Variants in ABTB2 observed in about 807,000 individuals in gnomAD.
ABTB2 encodes the protein ankyrin repeat and BTB domain containing 2.
Under a neutral mutation model 104.1 loss-of-function variants are expected in ABTB2, and 56 were observed. The observed-to-expected ratio is 0.54, with a 90% CI of 0.43 to 0.67. ABTB2 has a LOEUF of 0.67. ABTB2 is among the 30% of genes least tolerant of loss of function. The pLI is 0.00. For synonymous variants in ABTB2, 606 were observed against 608.2 expected, an observed-to-expected ratio of 1.00 and a Z score of 0.05; for missense variants, 1,279 against 1,407.7, an observed-to-expected ratio of 0.91 and a Z score of 1.46.
intron 1 of ABTB2, among the ~76,000 whole-genome samples, chr11:34,236,359 C>T (rs1317329303): frequency 1.3e-5 from 2 of 152,078 alleles, no homozygotes; most frequent in Non-Finnish European, 2.9e-5. Context: ...TCTTCTACCT[C>T]CAGAAGGCAC....
At chr11:34,155,479 C>T (rs142701349) in intron 14 of ABTB2, among the ~76,000 whole-genome samples, 1 of 152,360 alleles carries the variant, frequency 6.6e-6, no homozygotes, top group East Asian at 1.9e-4. Context: ...ACTCTGCCAT[C>T]ACGCTGGAGC....
chr11:34,310,438 G>A (rs2611138), intron 1 of ABTB2, among the ~76,000 whole-genome samples: 317 of 151,930 alleles, frequency 2.1e-3, no homozygotes, highest in African/African-American at 7.1e-3. Flanking sequence ...TCTCTCTACC[G>A]CCACCCTCAC....
In ABTB2 at chr11:34,178,586, C is replaced by T. The variant is rs932036013; in HGVS notation, c.1245-5279G>A. 5.9e-5 allele frequency among the ~76,000 whole-genome samples: 9 copies of T among 152,206 alleles called. No individual in the cohort carries two copies. In the East Asian group the frequency reaches 7.7e-4, roughly 13 times the overall value. On this transcript the variant is annotated intron_variant, in intron 3 of 16. Transcript: ENST00000435224. ...AGAAGTTCTCATTCCCCGCTTGTTG[C>T]GTTTCCCGTAGGCTGAGCTTGGTCG... is the stretch of plus-strand genomic sequence containing the variant.
Position 34,357,250 on chromosome 11 carries a change from C to A in ABTB2, c.334G>T (p.Ala112Ser). 1 of 1,496,106 alleles carries A rather than the reference C, an allele frequency of 6.7e-7. No homozygotes were observed. The highest frequency in any genetic ancestry group is 8.9e-7 in the Non-Finnish European group (1 of 1,128,620). The allele number at this position is 1,496,106 out of a possible 1,614,324, so 92.7% of individuals were successfully genotyped here. Residue 112 changes from alanine to serine, a missense_variant, in exon 1 of 17, where the codon GCT becomes TCT. By Grantham distance (99) the Ala-to-Ser change is moderately conservative (BLOSUM62 1). Coordinates refer to ENST00000435224, the MANE Select transcript of ABTB2 (RefSeq NM_145804.3). ...GDVARVLRKG[A>S]GGRRLPQFSA... ...AACTGGGGCAGCCGCCGGCCGCCAG[C>A]GCCTTTGCGGAGCACCCGGGCCACG... is the stretch of plus-strand genomic sequence containing the variant.
chr11:34,267,472 C>T (rs1854265701), intron 1 of ABTB2, among the ~76,000 whole-genome samples: 1 of 152,168 alleles, frequency 6.6e-6, no homozygotes, highest in South Asian at 2.1e-4. Context: ...TAAACCTGGG[C>T]CCTGAATACA....
At chr11:34,179,080 C>CA (rs111676312) in intron 3 of ABTB2, among the ~76,000 whole-genome samples, 22,445 of 98,546 alleles carry the variant, frequency 0.23, 2,596 homozygotes, top group African/African-American at 0.34. Flanking sequence ...AACTCCAACT[C>CA]AAAAAAAAAA....
chr11:34,243,658 T>C (rs1853949481), intron 1 of ABTB2, among the ~76,000 whole-genome samples: 1 of 152,204 alleles, frequency 6.6e-6, no homozygotes, highest in Non-Finnish European at 1.5e-5. Context: ...CAATATTGAT[T>C]CTCTTAACTT....
chr11:34,236,675 A>G (rs1232941529), intron 1 of ABTB2, among the ~76,000 whole-genome samples: 1 of 152,232 alleles, frequency 6.6e-6, no homozygotes, highest in Non-Finnish European at 1.5e-5. Context: ...AGTGATTGAG[A>G]TGCCGATACA....
At chr11:34,292,002 T>C (rs1854569174) in intron 1 of ABTB2, among the ~76,000 whole-genome samples, 1 of 152,092 alleles carries the variant, frequency 6.6e-6, no homozygotes, top group Non-Finnish European at 1.5e-5. Context: ...ATTTACACAT[T>C]TAAAACATAA....
At chr11:34,204,145 C>T (rs12295338) in intron 2 of ABTB2, among the ~76,000 whole-genome samples, 3,911 of 152,166 alleles carry the variant, frequency 0.026, 166 homozygotes, top group African/African-American at 0.089. Flanking sequence ...GGTGTGCTTT[C>T]TTTCGAGAAA....
rs1397968733 is a variant in ABTB2 at position 34,357,101 on chromosome 11, G to A, written c.483C>T (p.Ala161=). 3.3e-6 allele frequency: 5 copies of A among 1,516,918 alleles called. No individual in the cohort carries two copies. The highest frequency in any genetic ancestry group is 1.2e-5 in the South Asian group (1 of 82,040). 94.0% of individuals were successfully genotyped at this position (1,516,918 alleles called of 1,614,324 possible). A position where few individuals can be genotyped will look rare whatever the true frequency, so the allele number is the denominator to read the frequency against. The part of the protein sequence containing the change: ...AKCTRFEVQS[A]VRLVHSWALA... Reference sequence around the variant, plus strand: ...GCGCCCAGCTGTGCACCAGGCGCACGGCGCTCTGCACCTCAAAGCGGGTGC... The same window carrying A: ...GCGCCCAGCTGTGCACCAGGCGCACAGCGCTCTGCACCTCAAAGCGGGTGC... The change falls in exon 1 of 17, where the codon GCC becomes GCT. Residue 161 remains alanine (A), a synonymous_variant. Transcript: ENST00000435224.
At chr11:34,161,632 G>A (rs899987674) in intron 10 of ABTB2, among the ~76,000 whole-genome samples, 10 of 152,146 alleles carry the variant, frequency 6.6e-5, no homozygotes, top group Non-Finnish European at 1.0e-4. Flanking sequence ...CTGGAAAGCC[G>A]CTGCACATCC....
At chr11:34,288,091 A>AT (rs1854526786) in intron 1 of ABTB2, among the ~76,000 whole-genome samples, 1 of 152,114 alleles carries the variant, frequency 6.6e-6, no homozygotes, top group African/African-American at 2.4e-5. Flanking sequence ...TCTAAATTTT[A>AT]TTTTTCCAGA....
At position 34,356,990 on chromosome 11, in the gene ABTB2, G is replaced by C; in HGVS notation, c.594C>G (p.Ser198=). The C allele has an allele frequency of 6.3e-7, 1 of 1,587,084 alleles. No homozygotes were observed. The highest frequency in any genetic ancestry group is 1.1e-5 in the South Asian group (1 of 87,640). ...SAGDGLRRGK[S]ARCGLTFSVG... is the part of the protein sequence containing the mutation. ...CTGAGAAGGTGAGGCCGCAGCGCGC[G>C]GACTTGCCCCGGCGCAGCCCGTCGC... The change falls in exon 1 of 17, where the codon TCC becomes TCG. Residue 198 remains serine (S), a synonymous_variant. Coordinates refer to ENST00000435224, the MANE Select transcript of ABTB2 (RefSeq NM_145804.3). The surrounding 1 kb of genome is among the most constrained non-coding windows in gnomAD (Gnocchi z 4.6).
intron 1 of ABTB2, among the ~76,000 whole-genome samples, chr11:34,243,311 C>T (rs935135958): frequency 6.6e-6 from 1 of 152,132 alleles, no homozygotes. Context: ...CTCGCTCTGT[C>T]GCCCAGCCTG....
intron 1 of ABTB2, among the ~76,000 whole-genome samples, chr11:34,255,690 A>G (rs750375477): frequency 6.6e-6 from 1 of 152,056 alleles, no homozygotes; most frequent in Non-Finnish European, 1.5e-5. Flanking sequence ...GCTAATTTTT[A>G]TATTTTTGTA....
At chr11:34,326,797 C>T (rs148381427) in intron 1 of ABTB2, among the ~76,000 whole-genome samples, 22 of 152,226 alleles carry the variant, frequency 1.4e-4, no homozygotes, top group African/African-American at 5.3e-4. Context: ...GGGCTGGGTG[C>T]GTTGTCTCAT....
chr11:34,343,121 C>G (rs1855283662), intron 1 of ABTB2, among the ~76,000 whole-genome samples: 1 of 151,998 alleles, frequency 6.6e-6, no homozygotes, highest in Non-Finnish European at 1.5e-5. Context: ...AGGTGTGCGC[C>G]AGCACTCTGG....
rs1375250603 is a variant in ABTB2, at chr11:34,153,342, G to A, written c.2881-758C>T. ...GGTGGAAAACCTTTGGTGGGATTAA[G>A]TATGGGAGTAACACAGTCTTTGTAC... On this transcript the variant is annotated intron_variant, in intron 16 of 16. Transcript: ENST00000435224. Among the ~76,000 whole-genome samples, 4 of 152,140 alleles carry A rather than the reference G, an allele frequency of 2.6e-5. No homozygotes were observed. The East Asian group carries it at 7.7e-4, about 29-fold the overall frequency.
Sources: gnomAD v4.1 joint callset for allele counts (sites outside exome capture counted in the v4.1 genomes callset) on GRCh38, gnomAD v4.1.1 for gene constraint, Gnocchi (gnomAD v3.1) non-coding constraint, MANE v1.5 for transcripts, NCBI Gene and HGNC (gene_info 2026-07-23, HGNC 2026-07-21) for gene names.